RBBP5: variants seen among roughly 807,000 people sequenced by gnomAD.
RBBP5 encodes the protein RB binding protein 5, histone lysine methyltransferase complex subunit, also known as retinoblastoma-binding protein 5.
RBBP5 carries 5 observed loss-of-function variants against 72.2 expected under a neutral mutation model. The ratio of observed to expected loss-of-function variants is 0.07; its 90% CI spans 0.04 to 0.15. The LOEUF is 0.15. Ranked by LOEUF, RBBP5 falls within the 10% of genes least tolerant of loss-of-function variation. RBBP5 has a pLI of 1.00. For synonymous variants in RBBP5, 209 were observed against 237.2 expected (o/e 0.88, Z 1.09); for missense variants, 322 against 652.2 (o/e 0.49, Z 5.51).
intron 3 of RBBP5, 77 bp from the exon 4 acceptor site, chr1:205,105,245 A>C: frequency 6.7e-7 from 1 of 1,502,490 alleles, no homozygotes; most frequent in South Asian, 1.2e-5. Flanking sequence ...TGTGTAAGTC[A>C]CACACATTGC....
chr1:205,114,864 A>G lies in RBBP5; in HGVS notation c.143T>C (p.Ile48Thr), dbSNP rs768580990. 5 of 1,570,828 alleles carry G rather than the reference A, an allele frequency of 3.2e-6. No individual in the cohort carries two copies. The highest frequency in any genetic ancestry group is 4.3e-6 in the Non-Finnish European group (5 of 1,155,168). Reference sequence around the variant, plus strand: ...TCTTGTCAAGAAATCCCAGATGACAATTCGGCCATCATTACAGCCAACTGC... The same window carrying G: ...TCTTGTCAAGAAATCCCAGATGACAGTTCGGCCATCATTACAGCCAACTGC... ...LLAVGCNDGR[I>T]VIWDFLTRGI... Residue 48 changes from isoleucine (I) to threonine (T), a missense_variant, in exon 3 of 14, where the codon ATT becomes ACT. Ile to Thr is a moderately conservative substitution (Grantham distance 89). Coordinates refer to ENST00000264515, the MANE Select transcript of RBBP5 (RefSeq NM_005057.4).
intron 13 of RBBP5, among the ~76,000 whole-genome samples, chr1:205,089,700 T>C (rs1574680138): frequency 6.6e-6 from 1 of 152,216 alleles, no homozygotes; most frequent in Non-Finnish European, 1.5e-5. Context: ...TACAATGAGA[T>C]ACAAACTTTC....
intron 5 of RBBP5, 61 bp from the exon 6 acceptor site, chr1:205,101,770 G>C: frequency 8.0e-7 from 1 of 1,250,278 alleles, no homozygotes; most frequent in South Asian, 1.2e-5. Flanking sequence ...TAATTGATTT[G>C]GCTTGTTTCT....
Position 205,099,656 on chromosome 1 carries a change from T to C in RBBP5, c.978+85A>G, listed in dbSNP as rs1265820206. The C allele has an allele frequency of 8.2e-6, 11 of 1,345,534 alleles. No individual in the cohort carries two copies. Among genetic ancestry groups the C allele is most frequent in the African/African-American group, 1.5e-5 (1 of 67,572 alleles). 83.3% of individuals were successfully genotyped at this position (1,345,534 alleles called of 1,614,324 possible). On this transcript the variant is annotated intron_variant, in intron 9 of 13. Transcript: ENST00000264515. The surrounding 1 kb of genome is among the most constrained non-coding windows in gnomAD (Gnocchi z 4.7). ...AATCATATGCAAAAGAAAATAAAAA[T>C]GTAATTTTTAGCTTCCTATGTATAA...
At chr1:205,096,569 A>T in intron 12 of RBBP5, 113 bp downstream of exon 12, 1 of 931,788 alleles carries the variant, frequency 1.1e-6, no homozygotes, top group Non-Finnish European at 1.6e-6. Flanking sequence ...AAACAGACTC[A>T]TGGGAAAATT....
intron 13 of RBBP5, among the ~76,000 whole-genome samples, chr1:205,093,015 A>G (rs1655410537): frequency 1.3e-5 from 2 of 152,238 alleles, no homozygotes; most frequent in Non-Finnish European, 2.9e-5. Flanking sequence ...TCTCCAGGCC[A>G]GGGAAATCTA....
intron 6 of RBBP5, 136 bp from the exon 7 acceptor site, chr1:205,100,407 T>C (rs1485292797): frequency 9.0e-7 from 1 of 1,113,870 alleles, no homozygotes; most frequent in African/African-American, 1.6e-5. Context: ...CTACTTGTCA[T>C]CTCCCAAACC....
intron 1 of RBBP5, among the ~76,000 whole-genome samples, chr1:205,118,127 C>T (rs1574722315): frequency 2.0e-5 from 3 of 152,098 alleles, no homozygotes; most frequent in African/African-American, 7.2e-5. Flanking sequence ...CTTGTAAGTG[C>T]TTTTAGCTGG....
rs558862370 is a variant in RBBP5, at chr1:205,114,718, A to G, written c.218+71T>C. 1.4e-4 allele frequency: 179 copies of G among 1,305,174 alleles called. 3 individuals carry two copies. The South Asian group carries it at 2.7e-3, about 20-fold the overall frequency. 80.8% of individuals were successfully genotyped at this position (1,305,174 alleles called of 1,614,324 possible). ...AAAATCTAAGTATTAAAATATCTAC[A>G]ATGAGATTTGCAAATATATAGTCAT... On this transcript the variant is annotated intron_variant, in intron 3 of 13. Coordinates refer to ENST00000264515, the MANE Select transcript of RBBP5 (RefSeq NM_005057.4).
intron 3 of RBBP5, among the ~76,000 whole-genome samples, chr1:205,106,374 C>A (rs1169425060): frequency 6.6e-6 from 1 of 152,178 alleles, no homozygotes; most frequent in Non-Finnish European, 1.5e-5. Context: ...GCAGGCAAAT[C>A]ACTTGAGGCC....
intron 1 of RBBP5, among the ~76,000 whole-genome samples, chr1:205,117,122 G>A (rs1656557658): frequency 6.6e-6 from 1 of 151,926 alleles, no homozygotes; most frequent in Non-Finnish European, 1.5e-5. Flanking sequence ...TGCAATCTTG[G>A]CTCACTGCAA....
chr1:205,103,887 T>A lies in RBBP5; in HGVS notation c.492A>T (p.Glu164Asp). The change falls in exon 5 of 14, where the codon GAA (glutamate) becomes GAT (aspartate). Residue 164 changes from glutamate (E) to aspartate (D), a missense_variant. By Grantham distance (45) the Glu-to-Asp change is conservative. Transcript: ENST00000264515. ...CTTTTGCGTTTCCCGTATAAATATA[T>A]TCCCCTCGCCTATCAAAAGATGCCA... Reference protein sequence around the residue: ...NVVASFDRRGEYIYTGNAKGK... With the variant: ...NVVASFDRRGDYIYTGNAKGK... 2 of 1,613,842 alleles carry A rather than the reference T, an allele frequency of 1.2e-6. No individual in the cohort carries two copies. Among genetic ancestry groups the A allele is most frequent in the African/African-American group, 1.3e-5 (1 of 75,046 alleles).
intron 3 of RBBP5, among the ~76,000 whole-genome samples, chr1:205,114,058 C>T (rs2102325543): frequency 6.6e-6 from 1 of 152,330 alleles, no homozygotes; most frequent in Non-Finnish European, 1.5e-5. Context: ...AAGAGATCAT[C>T]CAGGCCAGTG....
chr1:205,113,825 C>T (rs542979710), intron 3 of RBBP5, among the ~76,000 whole-genome samples: 1 of 151,974 alleles, frequency 6.6e-6, no homozygotes, highest in Non-Finnish European at 1.5e-5. Context: ...GCTGGGATTA[C>T]AGGCACCCGC....
chr1:205,112,706 C>G (rs1403633879), intron 3 of RBBP5, among the ~76,000 whole-genome samples: 1 of 151,960 alleles, frequency 6.6e-6, no homozygotes, highest in Admixed American at 6.6e-5. Flanking sequence ...GTTTATCAGA[C>G]AATATACAGT....
intron 13 of RBBP5, chr1:205,091,205 T>G (rs1655336910): frequency 6.6e-6 from 1 of 152,278 alleles, no homozygotes; most frequent in Non-Finnish European, 1.5e-5. Flanking sequence ...ACTTTATTAC[T>G]GATGTTTTTA....
intron 10 of RBBP5, among the ~76,000 whole-genome samples, chr1:205,098,746 G>A (rs1328795648): frequency 1.3e-5 from 2 of 151,446 alleles, no homozygotes; most frequent in Non-Finnish European, 2.9e-5. Flanking sequence ...TCGGGAGGCT[G>A]AGGCAGGAGA....
chr1:205,086,572 A>T lies in RBBP5; in HGVS notation c.*2215T>A, dbSNP rs1465391517. ...TTAAAAACAAAATTTTGGGGGTGGC[A>T]GGGCAGGGATGACAAAAAGGAAGAA... On this transcript the variant is annotated 3_prime_UTR_variant, in exon 14 of 14. Transcript: ENST00000264515. 6.6e-6 allele frequency: 1 copy of T among 152,166 alleles called. No individual in the cohort carries two copies. Among genetic ancestry groups the T allele is most frequent in the Non-Finnish European group, 1.5e-5 (1 of 68,028 alleles). 9.4% of individuals were successfully genotyped at this position (152,166 alleles called of 1,614,324 possible). A position where few individuals can be genotyped will look rare whatever the true frequency, so the allele number is the denominator to read the frequency against.
At chr1:205,108,722 T>C (rs574503341) in intron 3 of RBBP5, among the ~76,000 whole-genome samples, 4 of 152,184 alleles carry the variant, frequency 2.6e-5, no homozygotes, top group Non-Finnish European at 5.9e-5. Flanking sequence ...TGGTTAAGAA[T>C]ATGGCTCAAA....
Sources: gnomAD v4.1 joint callset for allele counts (sites outside exome capture counted in the v4.1 genomes callset) on GRCh38, gnomAD v4.1.1 for gene constraint, Gnocchi (gnomAD v3.1) non-coding constraint, MANE v1.5 for transcripts, NCBI Gene and HGNC (gene_info 2026-07-23, HGNC 2026-07-21) for gene names.